The following DZANK1 variants were observed in gnomAD, a reference collection of about 807,000 sequenced individuals.
DZANK1 encodes the protein double zinc ribbon and ankyrin repeat domains 1.
Under a neutral mutation model 94.5 loss-of-function variants are expected in DZANK1, and 91 were observed. That is an observed-to-expected ratio of 0.96 (90% CI 0.81 to 1.15). The LOEUF (loss-of-function observed/expected upper bound fraction) is 1.15. Ranked by LOEUF, DZANK1 falls within the 50% of genes most tolerant of loss-of-function variation. The probability of loss-of-function intolerance (pLI) is 0.00; values close to 1 mark genes in which losing one functional copy is unlikely to be tolerated. For missense variants in DZANK1, 903 were observed against 916.4 expected (o/e 0.99, Z 0.19); for synonymous variants, 312 against 325.3 (o/e 0.96, Z 0.44).
At chr20:18,443,228 C>A in intron 8 of DZANK1, 119 bp downstream of exon 8, 1 of 746,228 alleles carries the variant, frequency 1.3e-6, no homozygotes, top group South Asian at 1.7e-5. Flanking sequence ...TTCAATCAGC[C>A]AGTAATTCTT....
At position 18,441,275 on chromosome 20, in the gene DZANK1, T is replaced by C. The variant is rs1215099423; in HGVS notation, c.747+2072A>G. ...TGGATCACCAGTGTCCCATTTCCCA[T>C]TGGCAAGGAGCTCGGCACTGTTCCC... On this transcript the variant is annotated intron_variant, in intron 8 of 20. Coordinates refer to ENST00000262547, the Ensembl canonical transcript of DZANK1. The surrounding 1 kb of genome is among the most constrained non-coding windows in gnomAD (Gnocchi z 4.1). Among the ~76,000 whole-genome samples, 4 of 152,148 alleles carry C rather than the reference T, an allele frequency of 2.6e-5. No homozygotes were observed. The highest frequency in any genetic ancestry group is 5.9e-5 in the Non-Finnish European group (4 of 68,034).
intron 7 of DZANK1, 55 bp from the exon 8 acceptor site, chr20:18,443,519 G>T: frequency 9.9e-7 from 1 of 1,014,486 alleles, no homozygotes; most frequent in Non-Finnish European, 1.4e-6. Flanking sequence ...ACATTAAGAA[G>T]ACTGATAAAA....
chr20:18,454,152 G>C (rs1035081153), intron 4 of DZANK1: 60 of 408,126 alleles, frequency 1.5e-4, no homozygotes, highest in South Asian at 1.2e-3. Context: ...AGAGGGCAAA[G>C]GCAGGGTAGA....
chr20:18,405,513 G>A (rs1328489278), intron 13 of DZANK1, among the ~76,000 whole-genome samples: 2 of 152,176 alleles, frequency 1.3e-5, no homozygotes, highest in African/African-American at 2.4e-5. Context: ...AGAAGGAGAA[G>A]AGACAGAGAA....
intron 7 of DZANK1, among the ~76,000 whole-genome samples, chr20:18,447,493 A>AC (rs2058922242): frequency 6.6e-6 from 1 of 150,860 alleles, no homozygotes; most frequent in Non-Finnish European, 1.5e-5. Flanking sequence ...CGCACAGCTA[A>AC]TTTTTTGTAT....
At chr20:18,410,412 A>G (rs1405166656) in intron 13 of DZANK1, among the ~76,000 whole-genome samples, 1 of 152,208 alleles carries the variant, frequency 6.6e-6, no homozygotes, top group African/African-American at 2.4e-5. Context: ...CTAAGGAAAT[A>G]ACTCAAAGTA....
chr20:18,459,769 G>A (rs2059411987), intron 3 of DZANK1, among the ~76,000 whole-genome samples: 1 of 152,108 alleles, frequency 6.6e-6, no homozygotes, highest in South Asian at 2.1e-4. Context: ...GAATGACGGC[G>A]GTGGTTGTAG....
chr20:18,393,856 C>A lies in DZANK1; in HGVS notation c.1709-45G>T. 3.2e-6 allele frequency: 4 copies of A among 1,246,966 alleles called. 1 individual carries two copies. The South Asian group carries it at 5.0e-5, about 16-fold the overall frequency. The allele number at this position is 1,246,966 out of a possible 1,614,324, so 77.2% of individuals were successfully genotyped here. On this transcript the variant is annotated intron_variant, in intron 16 of 20. Coordinates refer to ENST00000262547, the Ensembl canonical transcript of DZANK1. ...GAAAAAAATGATGCCCCTCCCCCAA[C>A]TCCCCACACAAACAGTTATTTCTTA... is the stretch of plus-strand genomic sequence containing the variant.
intron 13 of DZANK1, among the ~76,000 whole-genome samples, chr20:18,407,874 ACAGT>A (rs1484050443): frequency 1.3e-5 from 2 of 152,240 alleles, no homozygotes; most frequent in Non-Finnish European, 2.9e-5. Context: ...TCAAAAATAC[ACAGT>A]CAGAGGAGAC....
At chr20:18,434,313 G>C (rs540908219) in intron 8 of DZANK1, among the ~76,000 whole-genome samples, 1 of 152,050 alleles carries the variant, frequency 6.6e-6, no homozygotes, top group East Asian at 1.9e-4. Flanking sequence ...GGGAGGCCGA[G>C]GTGGGTGGAT....
At chr20:18,384,651 A>AG in intron 20 of DZANK1, 87 bp from the exon 21 acceptor site, 1 of 1,407,862 alleles carries the variant, frequency 7.1e-7, no homozygotes, top group South Asian at 1.5e-5. Flanking sequence ...CATGGAGGCC[A>AG]GGCTGGGCCC....
At chr20:18,399,380 C>T (rs956160244) in intron 13 of DZANK1, among the ~76,000 whole-genome samples, 5 of 152,074 alleles carry the variant, frequency 3.3e-5, no homozygotes, top group Non-Finnish European at 7.4e-5. Flanking sequence ...CAAGCACGCA[C>T]CACAACGCCT....
chr20:18,460,829 A>G (rs559714972), intron 2 of DZANK1, among the ~76,000 whole-genome samples: 1 of 152,262 alleles, frequency 6.6e-6, no homozygotes, highest in Non-Finnish European at 1.5e-5. Flanking sequence ...AGTAATAGCA[A>G]TAATGCAGTT....
intron 3 of DZANK1, among the ~76,000 whole-genome samples, chr20:18,457,158 G>A (rs1427438009): frequency 3.3e-5 from 5 of 152,126 alleles, no homozygotes; most frequent in Non-Finnish European, 5.9e-5. Flanking sequence ...AGGCTTGGTC[G>A]TTGTAACACA....
chr20:18,458,688 G>C (rs2059370684), intron 3 of DZANK1, among the ~76,000 whole-genome samples: 1 of 152,112 alleles, frequency 6.6e-6, no homozygotes, highest in Admixed American at 6.5e-5. Context: ...ACACTTCCCA[G>C]GCATCACAAG....
Position 18,402,303 on chromosome 20 carries a change from A to G in DZANK1, c.1433-3677T>C, listed in dbSNP as rs79904421. On this transcript the variant is annotated intron_variant, in intron 13 of 20. Transcript: ENST00000262547. ...AGGGGACAGCGGTCTCCCAATAGATAGAAGACACCTGAAGCTGGTGATCAG... is the reference window on the plus strand; with the variant it reads ...AGGGGACAGCGGTCTCCCAATAGATGGAAGACACCTGAAGCTGGTGATCAG... Among the ~76,000 whole-genome samples, 1,207 of 152,294 alleles carry G rather than the reference A, an allele frequency of 7.9e-3. 15 individuals carry two copies. Among genetic ancestry groups the G allele is most frequent in the African/African-American group, 0.027 (1,125 of 41,558 alleles).
At position 18,409,586 on chromosome 20, in the gene DZANK1, C is replaced by CA. The variant is rs367672370; in HGVS notation, c.1432+3059_1432+3060insT. The stretch of plus-strand genomic sequence containing the variant: ...CACACACACACACACACACACACCA[C>CA]CACCACCACCATCACCACCAGTAAA... On this transcript the variant is annotated intron_variant, in intron 13 of 20. Coordinates refer to ENST00000262547, the Ensembl canonical transcript of DZANK1. Among the ~76,000 whole-genome samples the CA allele has an allele frequency of 1.5e-3, 171 of 112,588 alleles. 1 individual carries two copies. The highest frequency in any genetic ancestry group is 2.7e-3 in the Non-Finnish European group (127 of 47,862). 73.9% of individuals were successfully genotyped at this position (112,588 alleles called of 152,430 possible).
At chr20:18,392,998 G>T (rs866601159) in intron 17 of DZANK1, among the ~76,000 whole-genome samples, 1 of 152,160 alleles carries the variant, frequency 6.6e-6, no homozygotes, top group Non-Finnish European at 1.5e-5. Flanking sequence ...TCTTCCCCAT[G>T]TAAGAAGGGC....
chr20:18,412,882 A>T lies in DZANK1; in HGVS notation c.1243-47T>A, dbSNP rs147601181. On this transcript the variant is annotated intron_variant, in intron 12 of 20. Coordinates refer to ENST00000262547, the Ensembl canonical transcript of DZANK1. Reference sequence around the variant, plus strand: ...TGCGTGAGGCAGAAGACATTTTTAAAATTAGAATATAATTTAATCAATCTT... The same window carrying T: ...TGCGTGAGGCAGAAGACATTTTTAATATTAGAATATAATTTAATCAATCTT... 3.2e-6 allele frequency: 5 copies of T among 1,568,798 alleles called. No individual in the cohort carries two copies. The African/African-American group carries it at 6.8e-5, about 21-fold the overall frequency.
Sources: gnomAD v4.1 joint callset for allele counts (sites outside exome capture counted in the v4.1 genomes callset) on GRCh38, gnomAD v4.1.1 for gene constraint, Gnocchi (gnomAD v3.1) non-coding constraint, MANE v1.5 for transcripts, NCBI Gene and HGNC (gene_info 2026-07-23, HGNC 2026-07-21) for gene names.